RAB30: variants seen among roughly 807,000 people sequenced by gnomAD.
The protein encoded by RAB30 is RAB30, member RAS oncogene family.
Under a neutral mutation model 25.1 loss-of-function variants are expected in RAB30, and 9 were observed. That is an observed-to-expected ratio of 0.36 (90% confidence interval 0.22 to 0.63). The LOEUF is 0.63. Ranked by LOEUF, RAB30 falls within the 20% of genes least tolerant of loss-of-function variation. The pLI, the probability that RAB30 is intolerant of heterozygous loss-of-function variation, is 0.69. For missense variants in RAB30, 140 were observed against 243.5 expected, an observed-to-expected ratio of 0.58 and a Z score of 2.83; for synonymous variants, 77 against 86.4, an observed-to-expected ratio of 0.89 and a Z score of 0.60.
intron 1 of RAB30, among the ~76,000 whole-genome samples, chr11:83,071,165 C>T (rs1028386746): frequency 3.9e-5 from 6 of 152,212 alleles, no homozygotes; most frequent in African/African-American, 1.4e-4. Context: ...AGACAAACCA[C>T]ATAGACATAC....
intron 1 of RAB30, 41 bp from the exon 2 acceptor site, chr11:82,997,365 A>T: frequency 7.2e-7 from 1 of 1,394,056 alleles, no homozygotes. Context: ...AGGCCCAGTC[A>T]GACTTGCCCA....
chr11:83,054,069 G>C (rs1295274328), intron 1 of RAB30, among the ~76,000 whole-genome samples: 1 of 152,072 alleles, frequency 6.6e-6, no homozygotes, highest in Non-Finnish European at 1.5e-5. Flanking sequence ...CAGCCTGGGT[G>C]ACAGACAGAG....
intron 1 of RAB30, among the ~76,000 whole-genome samples, chr11:83,037,088 T>A (rs1272254704): frequency 6.6e-6 from 1 of 151,578 alleles, no homozygotes; most frequent in African/African-American, 2.4e-5. Flanking sequence ...GACTTAAGAA[T>A]AGGGGAGAGA....
chr11:83,044,124 A>C (rs1328726266), intron 1 of RAB30, among the ~76,000 whole-genome samples: 1 of 152,212 alleles, frequency 6.6e-6, no homozygotes, highest in Non-Finnish European at 1.5e-5. Flanking sequence ...AGGTCTTTGA[A>C]TTATTTTTTG....
chr11:83,064,796 C>T (rs1858657986), intron 1 of RAB30, among the ~76,000 whole-genome samples: 1 of 152,166 alleles, frequency 6.6e-6, no homozygotes, highest in Non-Finnish European at 1.5e-5. Flanking sequence ...GAATCATTAT[C>T]ACATCCAAGA....
chr11:83,037,624 G>A (rs539400203), intron 1 of RAB30, among the ~76,000 whole-genome samples: 18 of 152,148 alleles, frequency 1.2e-4, no homozygotes, highest in Admixed American at 8.5e-4. Context: ...ACAAACTCCT[G>A]GGTTTCTAGC....
intron 1 of RAB30, among the ~76,000 whole-genome samples, chr11:83,014,104 A>G (rs1857362078): frequency 6.6e-6 from 1 of 152,254 alleles, no homozygotes; most frequent in Non-Finnish European, 1.5e-5. Flanking sequence ...CAATGAATGA[A>G]TGAATGGGAA....
intron 1 of RAB30, among the ~76,000 whole-genome samples, chr11:83,042,829 G>A (rs1315601533): frequency 6.6e-6 from 1 of 152,084 alleles, no homozygotes; most frequent in African/African-American, 2.4e-5. Flanking sequence ...AACAGATCTG[G>A]AATCTTAAAA....
At chr11:83,033,055 CTTTTTTTT>C (rs71463144) in intron 1 of RAB30, among the ~76,000 whole-genome samples, 1 of 77,862 alleles carries the variant, frequency 1.3e-5, no homozygotes, top group Admixed American at 1.4e-4. Context: ...GCCTCAAATT[CTTTTTTTT>C]TTTTTTTTTT....
intron 1 of RAB30, among the ~76,000 whole-genome samples, chr11:83,045,067 C>A (rs1858205919): frequency 6.6e-6 from 1 of 152,208 alleles, no homozygotes; most frequent in African/African-American, 2.4e-5. Context: ...GAAATCTGCA[C>A]ATTAGCCTAT....
chr11:83,032,885 TAATC>T (rs758118866), intron 1 of RAB30, among the ~76,000 whole-genome samples: 2 of 151,998 alleles, frequency 1.3e-5, no homozygotes, highest in South Asian at 2.1e-4. Flanking sequence ...GACTTTCTCA[TAATC>T]TATCTATCAA....
intron 1 of RAB30, among the ~76,000 whole-genome samples, chr11:83,024,154 C>T (rs1443462519): frequency 6.6e-6 from 1 of 152,242 alleles, no homozygotes; most frequent in Non-Finnish European, 1.5e-5. Context: ...AAGAATATCA[C>T]CAACTTGAAA....
chr11:83,061,710 C>CTTTTTT (rs569263010), intron 1 of RAB30, among the ~76,000 whole-genome samples: 946 of 78,584 alleles, frequency 0.012, no homozygotes, highest in Middle Eastern at 0.039. Flanking sequence ...TCTTTCTTTT[C>CTTTTTT]TTTTTTTTTT....
intron 1 of RAB30, among the ~76,000 whole-genome samples, chr11:83,059,911 C>T (rs1394989167): frequency 6.6e-6 from 1 of 151,888 alleles, no homozygotes; most frequent in African/African-American, 2.4e-5. Flanking sequence ...AACAAAAAAG[C>T]GGGGGCGGGG....
chr11:83,006,431 G>A (rs1488889358), intron 1 of RAB30, among the ~76,000 whole-genome samples: 2 of 152,034 alleles, frequency 1.3e-5, no homozygotes, highest in Non-Finnish European at 2.9e-5. Context: ...GGCAAAGAAT[G>A]GTGTGTTTAC....
chr11:82,984,998 G>A (rs933382615), intron 4 of RAB30, among the ~76,000 whole-genome samples: 1 of 152,208 alleles, frequency 6.6e-6, no homozygotes, highest in Admixed American at 6.5e-5. Context: ...TAGTTTTTGA[G>A]ACAGAGTCTC....
intron 1 of RAB30, among the ~76,000 whole-genome samples, chr11:83,014,642 GAAAGAAAGAA>G (rs984188895): frequency 2.8e-5 from 2 of 72,148 alleles, no homozygotes; most frequent in Admixed American, 1.4e-4. Context: ...GAAAAAGAAA[GAAAGAAAGAA>G]AGAAAGAAAG....
intron 1 of RAB30, among the ~76,000 whole-genome samples, chr11:83,048,632 C>T (rs144324576): frequency 4.7e-4 from 71 of 152,248 alleles, no homozygotes; most frequent in African/African-American, 1.6e-3. Flanking sequence ...CCTCTGCTGA[C>T]CTTTCTATGA....
chr11:83,043,675 T>A, intron 1 of RAB30, among the ~76,000 whole-genome samples: 1 of 151,990 alleles, frequency 6.6e-6, no homozygotes, highest in East Asian at 1.9e-4. Flanking sequence ...GAAAGATAAA[T>A]CACATGTGGC....
Sources: gnomAD v4.1 joint callset for allele counts (sites outside exome capture counted in the v4.1 genomes callset) on GRCh38, gnomAD v4.1.1 for gene constraint, MANE v1.5 for transcripts, NCBI Gene and HGNC (gene_info 2026-07-23, HGNC 2026-07-21) for gene names.